The following MCC variants were observed in gnomAD, a reference collection of about 807,000 sequenced individuals.
The protein encoded by MCC is colorectal mutant cancer protein.
MCC carries 90 observed loss-of-function variants against 116.2 expected under a neutral mutation model. The observed-to-expected ratio is 0.77, with a 90% CI of 0.65 to 0.92. The LOEUF is 0.92. Ranked by LOEUF, MCC falls within the 40% of genes least tolerant of loss-of-function variation. The pLI is 0.00. For missense variants in MCC, 1,516 were observed against 1,312.2 expected (o/e 1.16, Z -2.40); for synonymous variants, 578 against 510.5 (o/e 1.13, Z -1.78).
chr5:113,369,894 CTT>C (rs762919656), intron 2 of MCC, among the ~76,000 whole-genome samples: 93 of 152,156 alleles, frequency 6.1e-4, no homozygotes, highest in Non-Finnish European at 1.2e-3. Flanking sequence ...AAATCTCTCT[CTT>C]GTCTGTTTCC....
rs113493436 is a variant in MCC at position 113,058,292 on chromosome 5, G to T, written c.2214-4333C>A. On this transcript the variant is annotated intron_variant, in intron 14 of 18. Transcript: ENST00000408903. ...GAACTGAAGTGATACTATTTTGGCA[G>T]ATTTTCCATTTAGCAGGACTGGTCC... Among the ~76,000 whole-genome samples, 1,446 of 152,312 alleles carry T rather than the reference G, an allele frequency of 9.5e-3. 17 individuals are homozygous for T. Among genetic ancestry groups the T allele is most frequent in the African/African-American group, 0.033 (1,375 of 41,554 alleles).
intron 3 of MCC, among the ~76,000 whole-genome samples, chr5:113,330,515 A>T (rs1345614802): frequency 6.6e-6 from 1 of 152,260 alleles, no homozygotes; most frequent in East Asian, 1.9e-4. Context: ...AAAGTCATTA[A>T]GATGTTAATG....
chr5:113,219,819 A>G (rs1433030919), intron 3 of MCC, among the ~76,000 whole-genome samples: 1 of 152,060 alleles, frequency 6.6e-6, no homozygotes, highest in African/African-American at 2.4e-5. Context: ...ATCCAGTCCA[A>G]CCTGGCCTTC....
intron 1 of MCC, among the ~76,000 whole-genome samples, chr5:113,409,627 C>G (rs1769925858): frequency 6.6e-6 from 1 of 152,148 alleles, no homozygotes; most frequent in Non-Finnish European, 1.5e-5. Flanking sequence ...GGTGGGATTA[C>G]AGGCATGAGC....
intron 1 of MCC, among the ~76,000 whole-genome samples, chr5:113,393,504 T>A (rs938537529): frequency 7.2e-5 from 11 of 152,194 alleles, no homozygotes; most frequent in Admixed American, 6.5e-4. Context: ...CTAGAGAGCA[T>A]CTGGTTATTT....
chr5:113,398,733 C>T (rs1017173756), intron 1 of MCC, among the ~76,000 whole-genome samples: 1 of 152,220 alleles, frequency 6.6e-6, no homozygotes, highest in Non-Finnish European at 1.5e-5. Context: ...GTACTATGTT[C>T]ACTATCTGGG....
intron 2 of MCC, among the ~76,000 whole-genome samples, chr5:113,348,310 A>G (rs1047042392): frequency 1.3e-5 from 2 of 152,088 alleles, no homozygotes; most frequent in African/African-American, 4.8e-5. Context: ...AATATATTTT[A>G]GGTCACAAAG....
intron 6 of MCC, among the ~76,000 whole-genome samples, chr5:113,121,917 T>C (rs1339216585): frequency 6.6e-6 from 1 of 152,004 alleles, no homozygotes; most frequent in Admixed American, 6.5e-5. Flanking sequence ...AACCTCGATC[T>C]CTTTCCAAAT....
chr5:113,291,819 C>T (rs557567333), intron 3 of MCC, among the ~76,000 whole-genome samples: 13 of 152,190 alleles, frequency 8.5e-5, no homozygotes, highest in African/African-American at 2.4e-4. Context: ...GGAATACAAA[C>T]GAATTGTATT....
intron 5 of MCC, among the ~76,000 whole-genome samples, chr5:113,135,912 G>C (rs770997416): frequency 1.3e-5 from 2 of 152,068 alleles, no homozygotes; most frequent in Non-Finnish European, 2.9e-5. Context: ...GGGCATGGTG[G>C]TGCATACCTG....
Position 113,025,470 on chromosome 5 carries a change from C to T in MCC, c.*1832G>A, listed in dbSNP as rs1750473879. 2.0e-5 allele frequency: 3 copies of T among 150,410 alleles called. No homozygotes were observed. In the South Asian group the frequency reaches 6.3e-4, roughly 31 times the overall value. The allele number at this position is 150,410 out of a possible 1,614,324, so 9.3% of individuals were successfully genotyped here. On this transcript the variant is annotated 3_prime_UTR_variant, in exon 19 of 19. Transcript: ENST00000408903. ...TGAAACCCTGTCTCTACTAAAAATA[C>T]AAAAAAACTAGCTGGGTATGGTGGC...
chr5:113,088,199 C>A (rs960795593), intron 8 of MCC, among the ~76,000 whole-genome samples: 7 of 152,072 alleles, frequency 4.6e-5, no homozygotes, highest in Admixed American at 3.3e-4. Context: ...TGCAGTGTGC[C>A]TGTCAGGGAA....
intron 3 of MCC, among the ~76,000 whole-genome samples, chr5:113,177,057 C>A (rs1452104507): frequency 6.6e-6 from 1 of 152,174 alleles, no homozygotes; most frequent in Non-Finnish European, 1.5e-5. Context: ...CCTTCGCCCT[C>A]AGGTAGGTCC....
chr5:113,283,614 C>G (rs1766137451), intron 3 of MCC, among the ~76,000 whole-genome samples: 2 of 152,286 alleles, frequency 1.3e-5, no homozygotes, highest in East Asian at 3.9e-4. Flanking sequence ...TGTCAACATA[C>G]AGCAGCTAGC....
At chr5:113,186,380 T>G (rs77843855) in intron 3 of MCC, among the ~76,000 whole-genome samples, 2 of 152,236 alleles carry the variant, frequency 1.3e-5, no homozygotes, top group Admixed American at 1.3e-4. Context: ...ATGAATGGGT[T>G]TGATATAAAA....
Position 113,128,279 on chromosome 5 carries a change from C to CT in MCC, c.885-5454dup, listed in dbSNP as rs373591685. Among the ~76,000 whole-genome samples the CT allele has an allele frequency of 9.8e-4, 150 of 152,342 alleles. 1 individual carries two copies. The highest frequency in any genetic ancestry group is 3.4e-3 in the African/African-American group (143 of 41,578). ...GATGGTCATCTGCCTGCTTTGACAG[C>CT]TGTCAAGCTGTCAGTCAGCTGTGGC... On this transcript the variant is annotated intron_variant, in intron 5 of 18. Transcript: ENST00000408903.
At chr5:113,209,046 T>C (rs544724784) in intron 3 of MCC, among the ~76,000 whole-genome samples, 33 of 152,332 alleles carry the variant, frequency 2.2e-4, no homozygotes, top group African/African-American at 7.9e-4. Flanking sequence ...AGGCTATCTC[T>C]TAAATTACCT....
rs555982483 is a variant in MCC, at chr5:113,131,813, T to C, written c.885-8987A>G. Among the ~76,000 whole-genome samples, 5 of 152,244 alleles carry C rather than the reference T, an allele frequency of 3.3e-5. 1 individual carries two copies. Among genetic ancestry groups the C allele is most frequent in the African/African-American group, 1.2e-4 (5 of 41,542 alleles). On this transcript the variant is annotated intron_variant, in intron 5 of 18. Coordinates refer to ENST00000408903, the MANE Select transcript of MCC (RefSeq NM_001085377.2). ...CCAGAACCCAGCTGGTAAGAGAATC[T>C]GAGAGGTAGTTCCCAGGCCCTCTTT...
At chr5:113,422,428 A>T (rs1378503262) in intron 1 of MCC, among the ~76,000 whole-genome samples, 2 of 125,198 alleles carry the variant, frequency 1.6e-5, no homozygotes, top group African/African-American at 5.3e-5. Context: ...ATTTAATTTT[A>T]AGTTATTTTT....
Sources: gnomAD v4.1 joint callset for allele counts (sites outside exome capture counted in the v4.1 genomes callset) on GRCh38, gnomAD v4.1.1 for gene constraint, MANE v1.5 for transcripts, NCBI Gene and HGNC (gene_info 2026-07-23, HGNC 2026-07-21) for gene names.